The following CDH4 variants were observed in gnomAD, a reference collection of about 807,000 sequenced individuals.
CDH4 encodes cadherin 4.
CDH4 carries 33 observed loss-of-function variants against 86.0 expected under a neutral mutation model. That is an observed-to-expected ratio of 0.38 (90% CI 0.29 to 0.51). The LOEUF is 0.51. CDH4 is among the 20% of genes least tolerant of loss of function. The pLI is 0.86. For synonymous variants in CDH4, 555 were observed against 549.4 expected (o/e 1.01, Z -0.14); for missense variants, 1,114 against 1,307.4 (o/e 0.85, Z 2.28).
chr20:61,846,527 T>C (rs1256358735), intron 5 of CDH4, among the ~76,000 whole-genome samples: 1 of 150,612 alleles, frequency 6.6e-6, no homozygotes, highest in Non-Finnish European at 1.5e-5. Context: ...CACACAGAGA[T>C]AGAGATACAG....
rs373960854 is a variant in CDH4, at chr20:61,706,188, C to T, written c.170-37375C>T. Reference sequence around the variant, plus strand: ...GTTCTCTGTAAAACTTTTCCAGCTGCGTTGCTCCCAGCTTTCCCGTGAGGC... The same window carrying T: ...GTTCTCTGTAAAACTTTTCCAGCTGTGTTGCTCCCAGCTTTCCCGTGAGGC... On this transcript the variant is annotated intron_variant, in intron 2 of 15. Coordinates refer to ENST00000614565, the MANE Select transcript of CDH4 (RefSeq NM_001794.5). Among the ~76,000 whole-genome samples, 11 of 152,310 alleles carry T rather than the reference C, an allele frequency of 7.2e-5. No homozygotes were observed. In the East Asian group the frequency reaches 1.7e-3, roughly 24 times the overall value.
At chr20:61,300,837 G>A (rs1439882351) in intron 2 of CDH4, among the ~76,000 whole-genome samples, 2 of 152,176 alleles carry the variant, frequency 1.3e-5, no homozygotes, top group Admixed American at 1.3e-4. Flanking sequence ...CCAGGAGGTA[G>A]GGACCCTGGG....
At chr20:61,538,157 C>A (rs946025377) in intron 2 of CDH4, among the ~76,000 whole-genome samples, 1 of 152,198 alleles carries the variant, frequency 6.6e-6, no homozygotes, top group African/African-American at 2.4e-5. Flanking sequence ...CCAGGAAAGC[C>A]CACACACCCA....
At chr20:61,329,231 T>C (rs552790186) in intron 2 of CDH4, among the ~76,000 whole-genome samples, 8 of 149,698 alleles carry the variant, frequency 5.3e-5, no homozygotes, top group South Asian at 4.2e-4. Flanking sequence ...TACTTGACAG[T>C]TGATATGAAA....
intron 2 of CDH4, among the ~76,000 whole-genome samples, chr20:61,682,488 G>T: frequency 6.6e-6 from 1 of 151,866 alleles, no homozygotes; most frequent in Non-Finnish European, 1.5e-5. Flanking sequence ...CAGATGGATG[G>T]ATGGATGGAC....
chr20:61,761,268 G>A (rs1157872069), intron 3 of CDH4, among the ~76,000 whole-genome samples: 1 of 152,158 alleles, frequency 6.6e-6, no homozygotes, highest in Non-Finnish European at 1.5e-5. Flanking sequence ...TTAACCCAAA[G>A]CTATAAGGAA....
chr20:61,922,846 C>A (rs889634535), intron 9 of CDH4, among the ~76,000 whole-genome samples: 6 of 152,262 alleles, frequency 3.9e-5, no homozygotes, highest in Non-Finnish European at 8.8e-5. Flanking sequence ...GCCTCAAACT[C>A]CTGGGCTCAA....
chr20:61,687,178 C>T (rs1290778352), intron 2 of CDH4, among the ~76,000 whole-genome samples: 1 of 152,228 alleles, frequency 6.6e-6, no homozygotes, highest in African/African-American at 2.4e-5. Context: ...CACACCCTTT[C>T]CAGAAAGCTG....
rs1247100535 is a variant in CDH4, at chr20:61,392,666, A to G, written c.169+137729A>G. On this transcript the variant is annotated intron_variant, in intron 2 of 15. Transcript: ENST00000614565. This position sits in a 1 kb window ranked among gnomAD's most constrained non-coding sequence, Gnocchi z 5.7. Reference sequence around the variant, plus strand: ...AATGTTGTGCTATGTTGTTAATTCAACTCCCTTGGGTTCTCATCTTCTGAT... The same window carrying G: ...AATGTTGTGCTATGTTGTTAATTCAGCTCCCTTGGGTTCTCATCTTCTGAT... Among the ~76,000 whole-genome samples, 6 of 151,860 alleles carry G rather than the reference A, an allele frequency of 4.0e-5. No homozygotes were observed. The highest frequency in any genetic ancestry group is 1.9e-4 in the East Asian group (1 of 5,176).
In CDH4 at chr20:61,686,753, A is replaced by G. The variant is rs557893968; in HGVS notation, c.170-56810A>G. Among the ~76,000 whole-genome samples the G allele has an allele frequency of 1.1e-3, 153 of 145,608 alleles. 4 individuals carry two copies. The South Asian group carries it at 0.022, about 21-fold the overall frequency. ...TTCGTGCGTGTGTGTGCATATGTGT[A>G]TATGTGCGTGTGCATTCGCGCGTGT... is the stretch of plus-strand genomic sequence containing the variant. On this transcript the variant is annotated intron_variant, in intron 2 of 15. Coordinates refer to ENST00000614565, the MANE Select transcript of CDH4 (RefSeq NM_001794.5).
At chr20:61,686,178 C>T (rs568568356) in intron 2 of CDH4, among the ~76,000 whole-genome samples, 169 of 152,296 alleles carry the variant, frequency 1.1e-3, no homozygotes, top group African/African-American at 3.9e-3. Flanking sequence ...AGAAGTTTCA[C>T]GAAACTCCTA....
intron 2 of CDH4, among the ~76,000 whole-genome samples, chr20:61,525,768 C>A (rs1240508695): frequency 6.6e-6 from 1 of 152,184 alleles, no homozygotes; most frequent in Non-Finnish European, 1.5e-5. Context: ...GTCACAGACC[C>A]CTGCGGCTGC....
At chr20:61,931,798 A>G (rs988649338) in intron 13 of CDH4, among the ~76,000 whole-genome samples, 8 of 152,126 alleles carry the variant, frequency 5.3e-5, no homozygotes, top group South Asian at 2.1e-4. Flanking sequence ...GGAAGGCAGG[A>G]AGAATCCAGT....
chr20:61,813,734 T>G (rs549603653), intron 4 of CDH4, among the ~76,000 whole-genome samples: 1 of 152,244 alleles, frequency 6.6e-6, no homozygotes, highest in Non-Finnish European at 1.5e-5. Flanking sequence ...TTTTCTCACC[T>G]TGTTCCCTTT....
intron 2 of CDH4, among the ~76,000 whole-genome samples, chr20:61,702,566 G>C (rs1434377489): frequency 6.6e-6 from 1 of 152,228 alleles, no homozygotes; most frequent in Non-Finnish European, 1.5e-5. Context: ...GCGTATGAAA[G>C]CTGAGTGCGA....
In CDH4 at chr20:61,743,656, C is replaced by A. The variant is rs1219243939; in HGVS notation, c.263C>A (p.Thr88Asn). The A allele has an allele frequency of 6.3e-7, 1 of 1,598,614 alleles. No individual in the cohort carries two copies. The highest frequency in any genetic ancestry group is 1.1e-5 in the South Asian group (1 of 88,284). The change falls in exon 3 of 16, where the codon ACC becomes AAC. Residue 88 changes from threonine to asparagine, a missense_variant. This residue lies in a region of CDH4 where 221 missense variants were observed against 209.5 expected (regional missense o/e 1.05). Coordinates refer to ENST00000614565, the MANE Select transcript of CDH4 (RefSeq NM_001794.5). ...GGGGCAGATGGGACAGTCTTCGCCACCCGGGAGCTGCAGGTCCCCTCCGAG... is the reference window on the plus strand; with the variant it reads ...GGGGCAGATGGGACAGTCTTCGCCAACCGGGAGCTGCAGGTCCCCTCCGAG... ...KVGADGTVFA[T>N]RELQVPSEQV...
chr20:61,878,962 C>T (rs1273159889), intron 7 of CDH4, among the ~76,000 whole-genome samples: 1 of 152,258 alleles, frequency 6.6e-6, no homozygotes, highest in Non-Finnish European at 1.5e-5. Context: ...CTTCGCCCAC[C>T]TCCTGGGGAA....
intron 2 of CDH4, among the ~76,000 whole-genome samples, chr20:61,536,197 G>A (rs900100783): frequency 2.0e-5 from 3 of 152,114 alleles, no homozygotes; most frequent in Admixed American, 1.3e-4. Context: ...TGCCTCCCTC[G>A]TGTGTTCCAC....
chr20:61,429,758 G>A (rs1196746804), intron 2 of CDH4, among the ~76,000 whole-genome samples: 2 of 151,322 alleles, frequency 1.3e-5, no homozygotes, highest in East Asian at 3.9e-4. Flanking sequence ...TAGGTGTGTG[G>A]ATGGATGGAT....
Sources: allele counts gnomAD v4.1 joint callset (sites outside exome capture counted in the v4.1 genomes callset), GRCh38; gene constraint gnomAD v4.1.1; regional missense constraint gnomAD v4.1.1; non-coding constraint Gnocchi (gnomAD v3.1); transcripts MANE v1.5; gene names NCBI Gene and HGNC (gene_info 2026-07-23, HGNC 2026-07-21).